The following TBC1D14 variants were observed in gnomAD, a reference collection of about 807,000 sequenced individuals.
TBC1D14 encodes the protein TBC1 domain family member 14.
A neutral mutation model predicts 79.0 loss-of-function variants in TBC1D14; 26 were observed. The observed-to-expected ratio is 0.33, with a 90% confidence interval of 0.24 to 0.46. TBC1D14 has a LOEUF of 0.46. Ranked by LOEUF, TBC1D14 falls within the 20% of genes least tolerant of loss-of-function variation. The pLI, the probability that TBC1D14 is intolerant of heterozygous loss-of-function variation, is 1.00. For synonymous variants in TBC1D14, 394 were observed against 349.9 expected (o/e 1.13, Z -1.40); for missense variants, 769 against 887.6 (o/e 0.87, Z 1.70).
intron 1 of TBC1D14, among the ~76,000 whole-genome samples, chr4:6,913,395 A>C (rs1723152633): frequency 6.6e-6 from 1 of 152,248 alleles, no homozygotes; most frequent in South Asian, 2.1e-4. Context: ...TATTGGGTGA[A>C]TATACCTTTT....
intron 11 of TBC1D14, 54 bp from the exon 12 acceptor site, chr4:7,014,394 A>G: frequency 8.0e-7 from 1 of 1,246,828 alleles, no homozygotes; most frequent in Middle Eastern, 1.9e-4. Flanking sequence ...ACTTTTTTGT[A>G]AATTGAAAAC....
intron 3 of TBC1D14, among the ~76,000 whole-genome samples, chr4:6,989,506 A>G (rs1466118957): frequency 6.6e-6 from 1 of 151,936 alleles, no homozygotes; most frequent in Non-Finnish European, 1.5e-5. Context: ...AAAGCTTCCC[A>G]TGTCCCCCTG....
At chr4:6,970,513 G>A (rs1009958055) in intron 3 of TBC1D14, among the ~76,000 whole-genome samples, 3 of 152,288 alleles carry the variant, frequency 2.0e-5, no homozygotes, top group Admixed American at 6.5e-5. Context: ...ACGGAACACA[G>A]TGCAAGAGAA....
intron 2 of TBC1D14, among the ~76,000 whole-genome samples, chr4:6,936,305 C>G (rs1284514145): frequency 6.6e-6 from 1 of 152,246 alleles, no homozygotes; most frequent in African/African-American, 2.4e-5. Context: ...TGTGATCCAC[C>G]TGTCCGTCTC....
chr4:6,987,249 G>T (rs1351085718), intron 3 of TBC1D14: 8 of 1,250,650 alleles, frequency 6.4e-6, no homozygotes, highest in East Asian at 3.3e-5. Flanking sequence ...CGCCGCGTCC[G>T]CCCGCCCGCC....
intron 8 of TBC1D14, 96 bp from the exon 9 acceptor site, chr4:7,006,533 CTTT>C: frequency 9.1e-7 from 1 of 1,098,240 alleles, no homozygotes; most frequent in Admixed American, 2.2e-5. Context: ...TTCTGAAAAA[CTTT>C]TTTCCGTGTT....
intron 3 of TBC1D14, among the ~76,000 whole-genome samples, chr4:6,974,174 G>C (rs1207857122): frequency 6.6e-6 from 1 of 152,092 alleles, no homozygotes; most frequent in African/African-American, 2.4e-5. Flanking sequence ...CTGTCCTCTT[G>C]CACCCCAGCC....
At chr4:6,943,174 G>A (rs953852420) in intron 2 of TBC1D14, among the ~76,000 whole-genome samples, 3 of 152,058 alleles carry the variant, frequency 2.0e-5, no homozygotes, top group African/African-American at 4.8e-5. Flanking sequence ...AGAGCCAGCC[G>A]TGCCTGAAGC....
chr4:6,935,968 A>G (rs1712283979), intron 2 of TBC1D14, among the ~76,000 whole-genome samples: 1 of 152,192 alleles, frequency 6.6e-6, no homozygotes, highest in South Asian at 2.1e-4. Context: ...TAATTTCAAC[A>G]TATTTACTTT....
chr4:6,998,186 C>G (rs936048182), intron 5 of TBC1D14, among the ~76,000 whole-genome samples: 29 of 151,930 alleles, frequency 1.9e-4, no homozygotes, highest in Admixed American at 1.8e-3. Context: ...ATGGTAAAAC[C>G]CTGTCTCTAC....
chr4:6,984,645 C>T (rs1021112573), intron 3 of TBC1D14, among the ~76,000 whole-genome samples: 1 of 152,210 alleles, frequency 6.6e-6, no homozygotes, highest in African/African-American at 2.4e-5. Flanking sequence ...TTACAGGAGT[C>T]TCTGATGGTT....
At chr4:6,941,781 A>G (rs1014907266) in intron 2 of TBC1D14, among the ~76,000 whole-genome samples, 5 of 152,236 alleles carry the variant, frequency 3.3e-5, no homozygotes, top group African/African-American at 9.6e-5. Flanking sequence ...CAGATACGTC[A>G]GACCTCCTGT....
intron 5 of TBC1D14, among the ~76,000 whole-genome samples, chr4:6,998,017 A>C (rs1426704616): frequency 6.6e-6 from 1 of 152,232 alleles, no homozygotes; most frequent in Non-Finnish European, 1.5e-5. Flanking sequence ...CCACACACAC[A>C]AAAAAGTATA....
intron 2 of TBC1D14, among the ~76,000 whole-genome samples, chr4:6,931,624 G>A (rs1238355400): frequency 1.3e-5 from 2 of 152,200 alleles, no homozygotes; most frequent in Non-Finnish European, 2.9e-5. Context: ...AAGAACAGCT[G>A]TGCTTGTAAG....
chr4:7,009,308 G>A (rs1720517200), intron 9 of TBC1D14, among the ~76,000 whole-genome samples: 1 of 152,192 alleles, frequency 6.6e-6, no homozygotes, highest in Admixed American at 6.5e-5. Flanking sequence ...CTTTTTGGAA[G>A]CAGTTATAAG....
chr4:6,940,662 G>A (rs575434752), intron 2 of TBC1D14, among the ~76,000 whole-genome samples: 1 of 152,318 alleles, frequency 6.6e-6, no homozygotes, highest in African/African-American at 2.4e-5. Flanking sequence ...GAAGGTGCCT[G>A]TTGTGCCTTC....
chr4:7,021,089 C>T (rs1323758418), intron 12 of TBC1D14, among the ~76,000 whole-genome samples: 3 of 152,210 alleles, frequency 2.0e-5, no homozygotes, highest in Admixed American at 1.3e-4. Flanking sequence ...GAACTGCCCT[C>T]GTCCTTACCC....
intron 2 of TBC1D14, among the ~76,000 whole-genome samples, chr4:6,958,993 C>T (rs1252602142): frequency 2.0e-5 from 3 of 152,040 alleles, no homozygotes; most frequent in Admixed American, 6.6e-5. Flanking sequence ...ACGCCATTCT[C>T]CTGCCTCAGC....
intron 2 of TBC1D14, among the ~76,000 whole-genome samples, chr4:6,960,549 C>T (rs553525918): frequency 6.6e-6 from 1 of 151,952 alleles, no homozygotes; most frequent in Non-Finnish European, 1.5e-5. Flanking sequence ...TTTTTCCCTT[C>T]AAAAAAATGC....
Sources: allele counts gnomAD v4.1 joint callset (sites outside exome capture counted in the v4.1 genomes callset), GRCh38; gene constraint gnomAD v4.1.1; transcripts MANE v1.5; gene names NCBI Gene and HGNC (gene_info 2026-07-23, HGNC 2026-07-21).